The following EXOC3L2 variants were observed in gnomAD, a reference collection of about 807,000 sequenced individuals.
EXOC3L2 encodes the protein exocyst complex component 3-like protein 2.
Under a neutral mutation model 44.4 loss-of-function variants are expected in EXOC3L2, and 17 were observed. The ratio of observed to expected loss-of-function variants is 0.38; its 90% confidence interval spans 0.26 to 0.57. The LOEUF is 0.57. EXOC3L2 is among the 20% of genes least tolerant of loss of function. The probability of loss-of-function intolerance (pLI) is 0.65; values close to 1 mark genes in which losing one functional copy is unlikely to be tolerated. For missense variants in EXOC3L2, 541 were observed against 588.4 expected (o/e 0.92, Z 0.83); for synonymous variants, 256 against 253.7 (o/e 1.01, Z -0.09).
At chr19:45,216,536 A>G (rs569661382) in intron 10 of EXOC3L2, 31 of 173,234 alleles carry the variant, frequency 1.8e-4, no homozygotes, top group Non-Finnish European at 3.3e-4. Flanking sequence ...CGGAGACTGC[A>G]CCACTGCACT....
In EXOC3L2 at chr19:45,234,285, G is replaced by A. The variant is rs1411954669; in HGVS notation, c.1065C>T (p.Ala355=). ...CGGAGGCCCCCAGCCACTCGGCCAG[G>A]GCCCCGTGGTAGCCGCGCAGGTAGA... ...FGVYLRGYHG[A]LAEWLGASAR... The change falls in exon 3 of 12, where the codon GCC becomes GCT. Residue 355 remains alanine, a synonymous_variant. Coordinates refer to ENST00000413988, the MANE Select transcript of EXOC3L2 (RefSeq NM_001382422.1). This position sits in a 1 kb window ranked among gnomAD's most constrained non-coding sequence, Gnocchi z 5.0. 5.1e-6 allele frequency: 2 copies of A among 393,882 alleles called. No homozygotes were observed. The highest frequency in any genetic ancestry group is 9.0e-6 in the Non-Finnish European group (2 of 223,066). The allele number at this position is 393,882 out of a possible 1,614,324, so 24.4% of individuals were successfully genotyped here. A position where few individuals can be genotyped will look rare whatever the true frequency, so the allele number is the denominator to read the frequency against.
In EXOC3L2 at chr19:45,228,273, T is replaced by A; in HGVS notation, c.1270-7A>T. ...GGGCAGCCCGGGTCTGAGCCTACAG[T>A]AGGGAGAGGGGAGACAGGCAGGAGT... is the stretch of plus-strand genomic sequence containing the variant. On this transcript the variant is annotated splice_polypyrimidine_tract_variant and splice_region_variant and intron_variant, in intron 4 of 11. Transcript: ENST00000413988. 2 of 1,613,500 alleles carry A rather than the reference T, an allele frequency of 1.2e-6. No homozygotes were observed. The highest frequency in any genetic ancestry group is 1.7e-4 in the Middle Eastern group (1 of 6,038).
chr19:45,243,158 T>G (rs1310712650), intron 1 of EXOC3L2, among the ~76,000 whole-genome samples: 1 of 152,242 alleles, frequency 6.6e-6, no homozygotes, highest in African/African-American at 2.4e-5. Context: ...TATCCATGTC[T>G]AGCCATACAG....
chr19:45,238,641 C>T lies in EXOC3L2; in HGVS notation c.405G>A (p.Gly135=), dbSNP rs937410145. Residue 135 remains glycine, a synonymous_variant, in exon 2 of 12, where the codon GGG becomes GGA. Transcript: ENST00000413988. The surrounding 1 kb of genome is among the most constrained non-coding windows in gnomAD (Gnocchi z 5.5). ...AARRLAFLRL[G]RGSKPQRASL... is the part of the protein sequence containing the mutation. ...ACGCACGCTGGGGCTTGGATCCACG[C>T]CCCAGTCTCAGGAAGGCCAGTCTCC... The T allele has an allele frequency of 2.5e-6, 1 of 399,248 alleles. No homozygotes were observed. The highest frequency in any genetic ancestry group is 4.4e-6 in the Non-Finnish European group (1 of 226,042). 24.7% of individuals were successfully genotyped at this position (399,248 alleles called of 1,614,324 possible).
chr19:45,245,030 A>G (rs927364440), intron 1 of EXOC3L2, among the ~76,000 whole-genome samples: 1 of 151,892 alleles, frequency 6.6e-6, no homozygotes, highest in Admixed American at 6.6e-5. Flanking sequence ...CTCGCAGGAC[A>G]TTCGACCCAA....
rs758622299 is a variant in EXOC3L2, at chr19:45,224,784, C to T, written c.1713G>A (p.Glu571=). 4 of 1,554,674 alleles carry T rather than the reference C, an allele frequency of 2.6e-6. No homozygotes were observed. Among genetic ancestry groups the T allele is most frequent in the Non-Finnish European group, 3.5e-6 (4 of 1,148,728 alleles). Residue 571 remains glutamate (E), a synonymous_variant, in exon 8 of 12, where the codon GAG becomes GAA. Transcript: ENST00000413988. ...GGCCTCCCACCTCACTCACCTGCAG[C>T]TCCTGGAACAGCAGGTTGGCCACGA... is the stretch of plus-strand genomic sequence containing the variant. ...HRVVANLLFQ[E]LQPHFNKLMR...
intron 1 of EXOC3L2, among the ~76,000 whole-genome samples, chr19:45,242,873 A>T (rs2122997376): frequency 6.6e-6 from 1 of 151,598 alleles, no homozygotes; most frequent in South Asian, 2.1e-4. Context: ...AAAAAAAAAA[A>T]AAAAAAAAAG....
intron 1 of EXOC3L2, among the ~76,000 whole-genome samples, chr19:45,241,492 A>AG (rs1055579191): frequency 6.6e-6 from 1 of 151,612 alleles, no homozygotes; most frequent in African/African-American, 2.4e-5. Flanking sequence ...AAAAAAAAAA[A>AG]AAAAGAAAAG....
At chr19:45,219,271 T>C (rs74459616) in intron 8 of EXOC3L2, among the ~76,000 whole-genome samples, 2,844 of 150,742 alleles carry the variant, frequency 0.019, 95 homozygotes, top group African/African-American at 0.065. Context: ...GTCATGTGCC[T>C]GTAGTCCCAG....
At chr19:45,232,012 C>T in intron 3 of EXOC3L2, 138 bp from the exon 4 acceptor site, 2 of 475,182 alleles carry the variant, frequency 4.2e-6, no homozygotes, top group South Asian at 5.1e-5. Flanking sequence ...TCTGCTCATC[C>T]CTCAGAGGAA....
At chr19:45,245,034 G>T (rs542864532) in intron 1 of EXOC3L2, among the ~76,000 whole-genome samples, 2 of 151,742 alleles carry the variant, frequency 1.3e-5, no homozygotes, top group East Asian at 3.9e-4. Context: ...CAGGACATTC[G>T]ACCCAATGTC....
At chr19:45,233,452 G>C (rs897315145) in intron 3 of EXOC3L2, among the ~76,000 whole-genome samples, 1 of 152,158 alleles carries the variant, frequency 6.6e-6, no homozygotes, top group African/African-American at 2.4e-5. Flanking sequence ...AAGTGTCATT[G>C]TATTAAGGTG....
intron 1 of EXOC3L2, among the ~76,000 whole-genome samples, chr19:45,243,899 A>G (rs564630655): frequency 6.6e-6 from 1 of 151,762 alleles, no homozygotes; most frequent in Non-Finnish European, 1.5e-5. Context: ...AAGTGCTGGG[A>G]TTACAGGTGT....
chr19:45,217,646 T>C lies in EXOC3L2; in HGVS notation c.1880A>G (p.Glu627Gly). The C allele has an allele frequency of 7.0e-7, 1 of 1,437,210 alleles. No individual in the cohort carries two copies. The highest frequency in any genetic ancestry group is 9.1e-7 in the Non-Finnish European group (1 of 1,104,670). 89.0% of individuals were successfully genotyped at this position (1,437,210 alleles called of 1,614,324 possible). A position where few individuals can be genotyped will look rare whatever the true frequency, so the allele number is the denominator to read the frequency against. The stretch of plus-strand genomic sequence containing the variant: ...CCCACGGAGCAGGGGCCGCACGTAC[T>C]CGACCAGCGCCCGCCGGTGTAGCTC... ...VAELHRRALV[E>G]YVRPLLRGRL... Residue 627 changes from glutamate (E) to glycine (G), a missense_variant, in exon 10 of 12, where the codon GAG becomes GGG. Glu to Gly is a moderately conservative substitution (Grantham distance 98). Transcript: ENST00000413988.
chr19:45,222,892 G>C (rs1031294612), intron 8 of EXOC3L2, among the ~76,000 whole-genome samples: 12 of 152,300 alleles, frequency 7.9e-5, no homozygotes, highest in African/African-American at 2.9e-4. Context: ...TAAACGAGCC[G>C]ATACTCTCAA....
At chr19:45,230,913 T>C (rs1202052302) in intron 4 of EXOC3L2, among the ~76,000 whole-genome samples, 1 of 151,202 alleles carries the variant, frequency 6.6e-6, no homozygotes, top group African/African-American at 2.4e-5. Flanking sequence ...GGCAAGACCC[T>C]GTCTCTGCAA....
intron 11 of EXOC3L2, among the ~76,000 whole-genome samples, chr19:45,215,122 C>T (rs1050884314): frequency 1.3e-5 from 2 of 152,038 alleles, no homozygotes; most frequent in African/African-American, 2.4e-5. Flanking sequence ...GCCTGGGCGA[C>T]AAAGTGAGAC....
rs1040627969 is a variant in EXOC3L2, at chr19:45,238,275, G to T, written c.523+248C>A. 3.9e-5 allele frequency among the ~76,000 whole-genome samples: 6 copies of T among 152,200 alleles called. No individual in the cohort carries two copies. Among genetic ancestry groups the T allele is most frequent in the African/African-American group, 1.4e-4 (6 of 41,444 alleles). On this transcript the variant is annotated intron_variant, in intron 2 of 11. Coordinates refer to ENST00000413988, the MANE Select transcript of EXOC3L2 (RefSeq NM_001382422.1). The surrounding 1 kb of genome is among the most constrained non-coding windows in gnomAD (Gnocchi z 5.5). ...GAAGACGGCAGGTGGAGGAGGCAAAGATTGAGGGTGGGCATATATTAACAG... is the reference window on the plus strand; with the variant it reads ...GAAGACGGCAGGTGGAGGAGGCAAATATTGAGGGTGGGCATATATTAACAG...
At position 45,224,920 on chromosome 19, in the gene EXOC3L2, G is replaced by C; in HGVS notation, c.1584-7C>G. The C allele has an allele frequency of 1.3e-6, 2 of 1,512,152 alleles. No individual in the cohort carries two copies. Among genetic ancestry groups the C allele is most frequent in the Non-Finnish European group, 1.8e-6 (2 of 1,128,346 alleles). 93.7% of individuals were successfully genotyped at this position (1,512,152 alleles called of 1,614,324 possible). A position where few individuals can be genotyped will look rare whatever the true frequency, so the allele number is the denominator to read the frequency against. On this transcript the variant is annotated splice_polypyrimidine_tract_variant and splice_region_variant and intron_variant, in intron 7 of 11. Transcript: ENST00000413988. ...CAGGCGCTCGGCCAGAGCTCTGTGG[G>C]GATCAACAGAGCCAAAACTGAGGGA... is the stretch of plus-strand genomic sequence containing the variant.
Sources: allele counts gnomAD v4.1 joint callset (sites outside exome capture counted in the v4.1 genomes callset), GRCh38; gene constraint gnomAD v4.1.1; non-coding constraint Gnocchi (gnomAD v3.1); transcripts MANE v1.5; gene names NCBI Gene and HGNC (gene_info 2026-07-23, HGNC 2026-07-21).